The following IGSF10 variants were observed in gnomAD, a reference collection of about 807,000 sequenced individuals.
The protein encoded by IGSF10 is immunoglobulin superfamily member 10.
In IGSF10, 126 loss-of-function variants were observed where a neutral mutation model predicts 128.2. The ratio of observed to expected loss-of-function variants is 0.98; its 90% CI spans 0.85 to 1.14. The LOEUF is 1.14. IGSF10 is among the 50% of genes most tolerant of loss of function. IGSF10 has a pLI of 0.00. For missense variants in IGSF10, 3,295 were observed against 3,149.8 expected (o/e 1.05, Z -1.10); for synonymous variants, 1,185 against 1,146.2 (o/e 1.03, Z -0.68).
Position 151,436,467 on chromosome 3 carries a change from T to TAA in IGSF10, c.*220_*221dup, listed in dbSNP as rs1720231321. On this transcript the variant is annotated 3_prime_UTR_variant, in exon 8 of 8. Coordinates refer to ENST00000282466, the MANE Select transcript of IGSF10 (RefSeq NM_178822.5). ...TGTTTATTGTTATTTGTTGGCAAAA[T>TAA]AAAAGTGCCTTAAGTTAAAAGTTTG... The TAA allele has an allele frequency of 2.4e-6, 1 of 412,166 alleles. No individual in the cohort carries two copies. Among genetic ancestry groups the TAA allele is most frequent in the Non-Finnish European group, 4.3e-6 (1 of 233,572 alleles). 25.5% of individuals were successfully genotyped at this position (412,166 alleles called of 1,614,324 possible). A position where few individuals can be genotyped will look rare whatever the true frequency, so the allele number is the denominator to read the frequency against.
the IGSF10 span, among the ~76,000 whole-genome samples, chr3:151,470,621 T>A: frequency 6.6e-6 from 1 of 152,346 alleles, no homozygotes; most frequent in African/African-American, 2.4e-5. Context: ...TCACCTTGTT[T>A]GTTCATGAGT....
At chr3:151,573,670 G>C in the IGSF10 span, among the ~76,000 whole-genome samples, 2 of 152,180 alleles carry the variant, frequency 1.3e-5, no homozygotes, top group South Asian at 4.1e-4. Context: ...GATGGGTCTT[G>C]ACTCTTTATC....
chr3:151,536,684 C>T, the IGSF10 span, among the ~76,000 whole-genome samples: 1 of 152,090 alleles, frequency 6.6e-6, no homozygotes, highest in Admixed American at 6.6e-5. Context: ...ATCTAAAGTA[C>T]CAGATTTGAC....
At chr3:151,537,602 C>T in the IGSF10 span, among the ~76,000 whole-genome samples, 1 of 152,104 alleles carries the variant, frequency 6.6e-6, no homozygotes, top group Non-Finnish European at 1.5e-5. Context: ...CTTCATACAC[C>T]AGTTTAGCCA....
chr3:151,514,835 G>T, the IGSF10 span, among the ~76,000 whole-genome samples: 1 of 152,102 alleles, frequency 6.6e-6, no homozygotes, highest in African/African-American at 2.4e-5. Context: ...CTCAAAAGAA[G>T]ACATTTATGC....
the IGSF10 span, among the ~76,000 whole-genome samples, chr3:151,474,464 C>T: frequency 1.3e-5 from 2 of 152,086 alleles, no homozygotes; most frequent in Non-Finnish European, 2.9e-5. Context: ...AATAAGTTTC[C>T]AAGTTATTAT....
chr3:151,463,521 T>TG (rs1169812257), upstream of IGSF10, among the ~76,000 whole-genome samples: 898 of 136,106 alleles, frequency 6.6e-3, 36 homozygotes, highest in African/African-American at 0.015. Flanking sequence ...TTACATTTTC[T>TG]GGTTTTTTTT....
chr3:151,610,884 G>T, the IGSF10 span, among the ~76,000 whole-genome samples: 2 of 152,078 alleles, frequency 1.3e-5, no homozygotes, highest in Non-Finnish European at 2.9e-5. Context: ...CTAGATAATG[G>T]CATTAATAAT....
chr3:151,448,264 C>A lies in IGSF10; in HGVS notation c.1717G>T (p.Val573Phe), dbSNP rs1213057072. Residue 573 changes from valine to phenylalanine, a missense_variant, in exon 6 of 8, where the codon GTC becomes TTC. Val to Phe is a conservative substitution (Grantham distance 50). Transcript: ENST00000282466. ...TYRITVVEPL[V>F]EAYQENGIHH... The stretch of plus-strand genomic sequence containing the variant: ...ATCCCATTTTCCTGATAGGCTTCGA[C>A]CAAAGGTTCTACCACAGTTATCCTA... 1 of 1,614,230 alleles carries A rather than the reference C, an allele frequency of 6.2e-7. No homozygotes were observed.
At chr3:151,509,627 G>C in the IGSF10 span, among the ~76,000 whole-genome samples, 1 of 152,238 alleles carries the variant, frequency 6.6e-6, no homozygotes, top group Non-Finnish European at 1.5e-5. Context: ...CGGACAGTGT[G>C]TGCAGGACAG....
chr3:151,432,561 T>C, downstream of IGSF10: 1 of 483,424 alleles, frequency 2.1e-6, no homozygotes, highest in Non-Finnish European at 3.7e-6. Flanking sequence ...GGACTGTGAA[T>C]AAAGGTGTCC....
chr3:151,512,725 A>G, the IGSF10 span, among the ~76,000 whole-genome samples: 1 of 152,308 alleles, frequency 6.6e-6, no homozygotes, highest in South Asian at 2.1e-4. Context: ...AGCAAGACTA[A>G]TAAAGAAAAA....
chr3:151,437,336 A>C lies in IGSF10; in HGVS notation c.7225T>G (p.Tyr2409Asp), dbSNP rs1351522276. The C allele has an allele frequency of 6.2e-7, 1 of 1,614,034 alleles. No homozygotes were observed. The highest frequency in any genetic ancestry group is 8.5e-7 in the Non-Finnish European group (1 of 1,180,038). ...SKTTREDAGK[Y>D]RCAARNKVGY... ...ACTTTATTCCTAGCTGCACAGCGATATTTTCCTGCATCCTCCCGAGTTGTT... is the reference window on the plus strand; with the variant it reads ...ACTTTATTCCTAGCTGCACAGCGATCTTTTCCTGCATCCTCCCGAGTTGTT... Residue 2409 changes from tyrosine to aspartate, a missense_variant, in exon 8 of 8, where the codon TAT becomes GAT. Physicochemically the swap from Tyr to Asp is radical, Grantham distance 160. Transcript: ENST00000282466.
At chr3:151,519,581 G>A in the IGSF10 span, among the ~76,000 whole-genome samples, 7 of 151,760 alleles carry the variant, frequency 4.6e-5, no homozygotes, top group Non-Finnish European at 1.0e-4. Flanking sequence ...TTAAGAATGT[G>A]GTTACTTTGG....
At position 151,458,654 on chromosome 3, in the gene IGSF10, CA is replaced by C. The variant is rs1456863715; in HGVS notation, c.55del (p.Cys19AlafsTer30). ...TCLLVSFAVI[C>X]LVATPGGKAC... ...CTTGCCCCCAGGGGTGGCGACCAGG[CA>C]GATCACAGCAAAGGAGACCAGCAAG... On this transcript the variant is annotated frameshift_variant, in exon 3 of 8. Transcript: ENST00000282466. LOFTEE classifies it high-confidence loss of function. The C allele has an allele frequency of 1.9e-6, 3 of 1,614,062 alleles. No homozygotes were observed. Among genetic ancestry groups the C allele is most frequent in the Non-Finnish European group, 2.5e-6 (3 of 1,180,042 alleles).
the IGSF10 span, among the ~76,000 whole-genome samples, chr3:151,506,561 G>T: frequency 6.6e-6 from 1 of 152,062 alleles, no homozygotes; most frequent in Admixed American, 6.6e-5. Context: ...TCATACTTTT[G>T]TTTAAGGTGC....
At chr3:151,536,249 G>T in the IGSF10 span, among the ~76,000 whole-genome samples, 1 of 152,148 alleles carries the variant, frequency 6.6e-6, no homozygotes, top group South Asian at 2.1e-4. Context: ...CCTGGGACAA[G>T]GTTGTCACTT....
chr3:151,580,620 A>G, the IGSF10 span, among the ~76,000 whole-genome samples: 1 of 152,108 alleles, frequency 6.6e-6, no homozygotes, highest in Non-Finnish European at 1.5e-5. Context: ...TCACTTAATC[A>G]CCCACCAACC....
the IGSF10 span, among the ~76,000 whole-genome samples, chr3:151,579,421 C>T: frequency 6.6e-6 from 1 of 151,976 alleles, no homozygotes; most frequent in Non-Finnish European, 1.5e-5. Context: ...AACAAACAAA[C>T]TATAAAAATA....
Sources: allele counts gnomAD v4.1 joint callset (sites outside exome capture counted in the v4.1 genomes callset), GRCh38; gene constraint gnomAD v4.1.1; transcripts MANE v1.5; gene names NCBI Gene and HGNC (gene_info 2026-07-23, HGNC 2026-07-21).